Variants in SRGAP1 observed in about 807,000 individuals in gnomAD.
SRGAP1 encodes the protein SLIT-ROBO Rho GTPase-activating protein 1.
SRGAP1 carries 43 observed loss-of-function variants against 121.9 expected under a neutral mutation model. That is an observed-to-expected ratio of 0.35 (90% CI 0.28 to 0.46). The LOEUF (loss-of-function observed/expected upper bound fraction) is 0.46, where lower values mean the gene tolerates loss of function less well. Ranked by LOEUF, SRGAP1 falls within the 20% of genes least tolerant of loss-of-function variation. SRGAP1 has a pLI of 1.00. For synonymous variants in SRGAP1, 447 were observed against 485.4 expected, an observed-to-expected ratio of 0.92 and a Z score of 1.04; for missense variants, 1,102 against 1,350.9, an observed-to-expected ratio of 0.82 and a Z score of 2.89.
At chr12:64,115,167 T>G in intron 17 of SRGAP1, among the ~76,000 whole-genome samples, 1 of 152,156 alleles carries the variant, frequency 6.6e-6, no homozygotes. Context: ...AATAGCAAAA[T>G]GAATTTGTAA....
At chr12:63,868,069 T>TG (rs1899713126) in intron 1 of SRGAP1, among the ~76,000 whole-genome samples, 6 of 103,540 alleles carry the variant, frequency 5.8e-5, no homozygotes, top group South Asian at 3.5e-4. Flanking sequence ...TTTTTTTTTT[T>TG]TTTTTTTTTG....
At chr12:64,128,466 C>CAGA (rs2036735443) in intron 21 of SRGAP1, among the ~76,000 whole-genome samples, 1 of 152,142 alleles carries the variant, frequency 6.6e-6, no homozygotes, top group Non-Finnish European at 1.5e-5. Context: ...TCAAACCTAT[C>CAGA]ATTGTGAATA....
At chr12:63,853,112 T>C (rs928005689) in intron 1 of SRGAP1, among the ~76,000 whole-genome samples, 1 of 151,682 alleles carries the variant, frequency 6.6e-6, no homozygotes, top group Non-Finnish European at 1.5e-5. Flanking sequence ...CTCCGTTTCC[T>C]GGGTTCAAGC....
At chr12:63,899,056 C>T (rs535989121) in intron 1 of SRGAP1, among the ~76,000 whole-genome samples, 2 of 152,112 alleles carry the variant, frequency 1.3e-5, no homozygotes, top group Non-Finnish European at 2.9e-5. Flanking sequence ...AAAACTTCCT[C>T]AAGAATGAAG....
At chr12:64,105,804 A>C (rs1018481788) in intron 15 of SRGAP1, among the ~76,000 whole-genome samples, 3 of 151,062 alleles carry the variant, frequency 2.0e-5, no homozygotes, top group Admixed American at 6.6e-5. Flanking sequence ...ACAACAACAA[A>C]ATCTCTTGGA....
intron 4 of SRGAP1, among the ~76,000 whole-genome samples, chr12:64,027,623 A>G (rs757495748): frequency 8.5e-5 from 13 of 152,138 alleles, no homozygotes; most frequent in Non-Finnish European, 1.8e-4. Flanking sequence ...CAGAAGTTGA[A>G]TGATTTAGGA....
At chr12:63,944,727 G>A (rs2031986480) in intron 1 of SRGAP1, among the ~76,000 whole-genome samples, 1 of 152,204 alleles carries the variant, frequency 6.6e-6, no homozygotes, top group Non-Finnish European at 1.5e-5. Flanking sequence ...CTTTGATAGT[G>A]CAGAGAAGAA....
chr12:63,947,689 A>G (rs780928263), intron 1 of SRGAP1, among the ~76,000 whole-genome samples: 2 of 152,166 alleles, frequency 1.3e-5, no homozygotes, highest in African/African-American at 4.8e-5. Context: ...GTAGCTTTAA[A>G]ATAAGTCTTG....
chr12:64,133,672 G>A (rs1224264400), intron 21 of SRGAP1, among the ~76,000 whole-genome samples: 1 of 152,128 alleles, frequency 6.6e-6, no homozygotes, highest in Non-Finnish European at 1.5e-5. Context: ...AAAGGGACCT[G>A]GCCTCCTCTT....
In SRGAP1 at chr12:64,147,488, C is replaced by T. The variant is rs1182710796; in HGVS notation, c.*4816C>T. 3 of 398,264 alleles carry T rather than the reference C, an allele frequency of 7.5e-6. No homozygotes were observed. Among genetic ancestry groups the T allele is most frequent in the Admixed American group, 4.4e-5 (1 of 22,660 alleles). The allele number at this position is 398,264 out of a possible 1,614,324, so 24.7% of individuals were successfully genotyped here. On this transcript the variant is annotated 3_prime_UTR_variant, in exon 22 of 22. Coordinates refer to ENST00000355086, the MANE Select transcript of SRGAP1 (RefSeq NM_020762.4). Reference sequence around the variant, plus strand: ...GTAATGTCCCATCTCACCTCCCTGTCGGTCCTCAGACTGTCTCGTTTTCCT... The same window carrying T: ...GTAATGTCCCATCTCACCTCCCTGTTGGTCCTCAGACTGTCTCGTTTTCCT...
At chr12:64,135,038 G>C (rs1348100487) in intron 21 of SRGAP1, among the ~76,000 whole-genome samples, 1 of 152,188 alleles carries the variant, frequency 6.6e-6, no homozygotes, top group Non-Finnish European at 1.5e-5. Flanking sequence ...CATTGCCTCA[G>C]GCAGCACAGG....
intron 1 of SRGAP1, among the ~76,000 whole-genome samples, chr12:63,900,180 T>TTTTTTC (rs1281139837): frequency 7.7e-6 from 1 of 129,054 alleles, no homozygotes; most frequent in African/African-American, 2.9e-5. Context: ...TTGCCCTTGC[T>TTTTTTC]TTTTTCTTTT....
At chr12:63,962,917 A>G (rs911613966) in intron 1 of SRGAP1, among the ~76,000 whole-genome samples, 3 of 152,186 alleles carry the variant, frequency 2.0e-5, no homozygotes, top group Non-Finnish European at 4.4e-5. Context: ...TTAATATTTT[A>G]TATTGAGTAC....
chr12:64,112,875 C>A (rs1373322477), intron 17 of SRGAP1, among the ~76,000 whole-genome samples: 7 of 151,918 alleles, frequency 4.6e-5, no homozygotes, highest in Admixed American at 4.6e-4. Flanking sequence ...TGATGGTTAC[C>A]AAAGGCTAGG....
At chr12:64,069,925 GAC>G (rs1447236791) in intron 8 of SRGAP1, among the ~76,000 whole-genome samples, 2 of 152,060 alleles carry the variant, frequency 1.3e-5, no homozygotes, top group African/African-American at 4.8e-5. Flanking sequence ...TATTTGTAGA[GAC>G]AGGGTCTCCC....
At position 64,145,368 on chromosome 12, in the gene SRGAP1, TACGGTG is replaced by T. The variant is rs2037035677; in HGVS notation, c.*2697_*2702del. On this transcript the variant is annotated 3_prime_UTR_variant, in exon 22 of 22. Coordinates refer to ENST00000355086, the MANE Select transcript of SRGAP1 (RefSeq NM_020762.4). The stretch of plus-strand genomic sequence containing the variant: ...GGCTCCTCTCTCTGATGTGTCCACC[TACGGTG>T]GAACGAGGATTGCCTTTCTGTGCTC... 6.6e-6 allele frequency: 1 copy of T among 152,336 alleles called. No individual in the cohort carries two copies. The highest frequency in any genetic ancestry group is 6.5e-5 in the Admixed American group (1 of 15,282). 9.4% of individuals were successfully genotyped at this position (152,336 alleles called of 1,614,324 possible).
chr12:64,031,578 A>G (rs1462666673), intron 4 of SRGAP1, among the ~76,000 whole-genome samples: 1 of 152,142 alleles, frequency 6.6e-6, no homozygotes, highest in Non-Finnish European at 1.5e-5. Context: ...GCTCCAACAG[A>G]AAATAAAAAC....
Position 63,844,826 on chromosome 12 carries a change from C to G in SRGAP1, c.10C>G (p.Pro4Ala), listed in dbSNP as rs769033327. The part of the protein sequence containing the change: MST[P>A]SRFKKDKEII... Reference sequence around the variant, plus strand: ...CCGGAACAGCTGGATAATGTCCACCCCGAGCCGATTCAAGAAGGACAAAGA... The same window carrying G: ...CCGGAACAGCTGGATAATGTCCACCGCGAGCCGATTCAAGAAGGACAAAGA... The change falls in exon 1 of 22, where the codon CCG becomes GCG. Residue 4 changes from proline to alanine, a missense_variant. Coordinates refer to ENST00000355086, the MANE Select transcript of SRGAP1 (RefSeq NM_020762.4). The surrounding 1 kb of genome is among the most constrained non-coding windows in gnomAD (Gnocchi z 4.3). The G allele has an allele frequency of 1.9e-6, 3 of 1,614,040 alleles. No homozygotes were observed. The African/African-American group carries it at 4.0e-5, about 22-fold the overall frequency.
chr12:63,902,813 A>G (rs1317329304), intron 1 of SRGAP1, among the ~76,000 whole-genome samples: 3 of 152,194 alleles, frequency 2.0e-5, no homozygotes, highest in Admixed American at 6.5e-5. Context: ...TCCTAGGGTT[A>G]TAGCAACCTC....
Sources: gnomAD v4.1 joint callset for allele counts (sites outside exome capture counted in the v4.1 genomes callset) on GRCh38, gnomAD v4.1.1 for gene constraint, Gnocchi (gnomAD v3.1) non-coding constraint, MANE v1.5 for transcripts, NCBI Gene and HGNC (gene_info 2026-07-23, HGNC 2026-07-21) for gene names.